Variants in MGMT observed in about 807,000 individuals in gnomAD.
MGMT encodes the protein methylated-DNA--protein-cysteine methyltransferase.
MGMT carries 14 observed loss-of-function variants against 15.9 expected under a neutral mutation model. The observed-to-expected ratio is 0.88, with a 90% CI of 0.58 to 1.37. The LOEUF is 1.37. MGMT is among the 40% of genes most tolerant of loss of function. The pLI is 0.00. For missense variants in MGMT, 282 were observed against 268.1 expected (o/e 1.05, Z -0.36); for synonymous variants, 130 against 118.2 (o/e 1.10, Z -0.65).
Position 129,609,463 on chromosome 10 carries a change from C to T in MGMT, c.125+73086C>T, listed in dbSNP as rs192859395. On this transcript the variant is annotated intron_variant, in intron 2 of 4. Transcript: ENST00000651593. ...AAATCTCTGGCCCCATCTGGAGTCC[C>T]TGGAGGCTGGATGGTGGAGGTTTGC... is the stretch of plus-strand genomic sequence containing the variant. Among the ~76,000 whole-genome samples, 568 of 152,320 alleles carry T rather than the reference C, an allele frequency of 3.7e-3. 2 individuals carry two copies. The highest frequency in any genetic ancestry group is 6.4e-3 in the Non-Finnish European group (434 of 68,022).
intron 3 of MGMT, among the ~76,000 whole-genome samples, chr10:129,714,812 AGGGGTGCTC>A (rs1342785745): frequency 6.6e-6 from 1 of 152,208 alleles, no homozygotes; most frequent in African/African-American, 2.4e-5. Context: ...CTCCTAGGAA[AGGGGTGCTC>A]GGCTCCTGGT....
Position 129,764,260 on chromosome 10 carries a change from GGGTCGAAGATGC to G in MGMT, c.415-2527_415-2516del, listed in dbSNP as rs138419823. On this transcript the variant is annotated intron_variant, in intron 4 of 4. Transcript: ENST00000651593. ...TGCGGGGTGATGGGGGCCATAGATGGGGTCGAAGATGCAGCAGCATCAGGCATGGGCACACCC... is the reference window on the plus strand; with the variant it reads ...TGCGGGGTGATGGGGGCCATAGATGGAGCAGCATCAGGCATGGGCACACCC... Among the ~76,000 whole-genome samples, 618 of 152,358 alleles carry G rather than the reference GGGTCGAAGATGC, an allele frequency of 4.1e-3. 6 individuals are homozygous for G. The highest frequency in any genetic ancestry group is 0.013 in the African/African-American group (550 of 41,580).
In MGMT at chr10:129,766,779, G is replaced by A; in HGVS notation, c.415-9G>A. On this transcript the variant is annotated splice_polypyrimidine_tract_variant and intron_variant, in intron 4 of 4. Coordinates refer to ENST00000651593, the MANE Select transcript of MGMT (RefSeq NM_002412.5). ...CCTGACTGACAGTGGCTGCCCCCCT[G>A]TCTTCCAGGTCCCCATCCTCATCCC... The A allele has an allele frequency of 6.2e-7, 1 of 1,609,974 alleles. No homozygotes were observed. The highest frequency in any genetic ancestry group is 8.5e-7 in the Non-Finnish European group (1 of 1,178,834).
chr10:129,496,026 C>G (rs1466469719), intron 1 of MGMT, among the ~76,000 whole-genome samples: 2 of 152,204 alleles, frequency 1.3e-5, no homozygotes, highest in Non-Finnish European at 2.9e-5. Flanking sequence ...CCTCCCCCTG[C>G]ACACAGCTGT....
At chr10:129,508,519 TC>T (rs1217461768) in intron 1 of MGMT, among the ~76,000 whole-genome samples, 8 of 119,580 alleles carry the variant, frequency 6.7e-5, no homozygotes, top group African/African-American at 2.8e-4. Flanking sequence ...TTTCTTTCTT[TC>T]TTTTTTTTTT....
At chr10:129,667,528 C>G (rs1847673016) in intron 2 of MGMT, among the ~76,000 whole-genome samples, 2 of 152,106 alleles carry the variant, frequency 1.3e-5, no homozygotes, top group African/African-American at 4.8e-5. Context: ...ATCTTCCACT[C>G]TGATGGACAT....
chr10:129,724,918 C>T (rs1366183887), intron 3 of MGMT, among the ~76,000 whole-genome samples: 1 of 152,174 alleles, frequency 6.6e-6, no homozygotes, highest in Non-Finnish European at 1.5e-5. Context: ...AAGATACAAC[C>T]TAGTATGGCC....
chr10:129,524,719 G>A (rs992200463), intron 1 of MGMT, among the ~76,000 whole-genome samples: 1 of 150,238 alleles, frequency 6.7e-6, no homozygotes, highest in African/African-American at 2.4e-5. Context: ...AGCCTCCCGA[G>A]TAGCTGGGAC....
chr10:129,591,716 G>A (rs1264372588), intron 2 of MGMT, among the ~76,000 whole-genome samples: 1 of 152,204 alleles, frequency 6.6e-6, no homozygotes, highest in Non-Finnish European at 1.5e-5. Flanking sequence ...TGGATCACAA[G>A]GTCAGGAGTT....
intron 2 of MGMT, among the ~76,000 whole-genome samples, chr10:129,549,262 G>C (rs148781268): frequency 1.7e-3 from 265 of 152,236 alleles, no homozygotes; most frequent in African/African-American, 6.1e-3. Context: ...CATATTAAAG[G>C]CATAATTAAT....
intron 2 of MGMT, among the ~76,000 whole-genome samples, chr10:129,560,157 C>A (rs1263175223): frequency 6.6e-6 from 1 of 152,178 alleles, no homozygotes; most frequent in Non-Finnish European, 1.5e-5. Context: ...GCGTTCTTGA[C>A]CAATACCAGT....
At chr10:129,718,080 C>G (rs1376761029) in intron 3 of MGMT, among the ~76,000 whole-genome samples, 1 of 152,152 alleles carries the variant, frequency 6.6e-6, no homozygotes, top group Admixed American at 6.5e-5. Context: ...ACAGCACGAC[C>G]CCAACGTGGG....
intron 2 of MGMT, among the ~76,000 whole-genome samples, chr10:129,571,018 C>T (rs1230623477): frequency 3.3e-5 from 5 of 152,118 alleles, no homozygotes; most frequent in African/African-American, 4.8e-5. Flanking sequence ...ATAATCTCTT[C>T]GGCTGTGAAA....
At chr10:129,622,732 C>T (rs1027608340) in intron 2 of MGMT, among the ~76,000 whole-genome samples, 1 of 152,016 alleles carries the variant, frequency 6.6e-6, no homozygotes, top group African/African-American at 2.4e-5. Context: ...GTTTGATATG[C>T]TCTCATTAAG....
At chr10:129,763,784 G>T (rs1472697958) in intron 4 of MGMT, among the ~76,000 whole-genome samples, 1 of 152,080 alleles carries the variant, frequency 6.6e-6, no homozygotes, top group Non-Finnish European at 1.5e-5. Flanking sequence ...CATCAATCAG[G>T]GTAAATATTC....
At chr10:129,667,374 A>G (rs752840178) in intron 2 of MGMT, among the ~76,000 whole-genome samples, 29 of 152,110 alleles carry the variant, frequency 1.9e-4, no homozygotes, top group Non-Finnish European at 3.8e-4. Context: ...ATAATAAATT[A>G]TGTTATATAT....
chr10:129,536,562 G>T, intron 2 of MGMT, 185 bp downstream of exon 2: 1 of 663,746 alleles, frequency 1.5e-6, no homozygotes, highest in South Asian at 2.4e-5. Flanking sequence ...GCTTCCCTGT[G>T]TGTTGCCCAG....
intron 2 of MGMT, among the ~76,000 whole-genome samples, chr10:129,704,952 G>A (rs1174828429): frequency 6.6e-6 from 1 of 152,128 alleles, no homozygotes; most frequent in African/African-American, 2.4e-5. Context: ...GGACCTCAAA[G>A]CGAAGTAACC....
chr10:129,476,696 C>A (rs2119625195), intron 1 of MGMT, among the ~76,000 whole-genome samples: 1 of 152,266 alleles, frequency 6.6e-6, no homozygotes, highest in Non-Finnish European at 1.5e-5. Context: ...GGCACCAAGG[C>A]CATGCTGGGG....
Sources: gnomAD v4.1 joint callset for allele counts (sites outside exome capture counted in the v4.1 genomes callset) on GRCh38, gnomAD v4.1.1 for gene constraint, MANE v1.5 for transcripts, NCBI Gene and HGNC (gene_info 2026-07-23, HGNC 2026-07-21) for gene names.